The following PRIM2 variants were observed in gnomAD, a reference collection of about 807,000 sequenced individuals.
PRIM2 encodes the protein DNA primase large subunit.
Under a neutral mutation model 67.3 loss-of-function variants are expected in PRIM2, and 39 were observed. That is an observed-to-expected ratio of 0.58 (90% CI 0.45 to 0.76). The LOEUF is 0.76. PRIM2 is among the 30% of genes least tolerant of loss of function. PRIM2 has a pLI of 0.00. For synonymous variants in PRIM2, 143 were observed against 198.7 expected (o/e 0.72, Z 2.36); for missense variants, 398 against 598.7 (o/e 0.66, Z 3.50).
intron 7 of PRIM2, among the ~76,000 whole-genome samples, chr6:57,445,105 G>A (rs2127387154): frequency 6.6e-6 from 1 of 152,280 alleles, no homozygotes; most frequent in South Asian, 2.1e-4. Context: ...ATTTCTAACT[G>A]TCATGATATA....
At chr6:57,330,078 C>G (rs1489802373) in intron 5 of PRIM2, among the ~76,000 whole-genome samples, 4 of 152,142 alleles carry the variant, frequency 2.6e-5, no homozygotes, top group African/African-American at 9.7e-5. Flanking sequence ...TACATTGAAT[C>G]TGTAGATCAG....
intron 4 of PRIM2, 95 bp downstream of exon 4, chr6:57,324,375 AC>A: frequency 1.5e-6 from 1 of 655,880 alleles, no homozygotes; most frequent in African/African-American, 1.8e-5. Context: ...ACATAGGAAA[AC>A]CCAGAATAAC....
In PRIM2 at chr6:57,569,267, A is replaced by G. The variant is rs1427961213; in HGVS notation, c.1020+31642A>G. 4.5e-4 allele frequency among the ~76,000 whole-genome samples: 69 copies of G among 152,278 alleles called. 2 individuals are homozygous for G. The South Asian group carries it at 0.014, about 32-fold the overall frequency. On this transcript the variant is annotated intron_variant, in intron 10 of 13. Coordinates refer to ENST00000615550, the MANE Select transcript of PRIM2 (RefSeq NM_000947.5). ...TGCTGAGCACATATAGGCACTCTGT[A>G]CGTTGTAGCTGTTGTTAATTTACTT...
intron 10 of PRIM2, among the ~76,000 whole-genome samples, chr6:57,579,280 A>G (rs1776032737): frequency 6.6e-6 from 1 of 152,050 alleles, no homozygotes; most frequent in Non-Finnish European, 1.5e-5. Flanking sequence ...ACCCTCGCCT[A>G]CAACAGGAGG....
At chr6:57,249,257 T>C in the PRIM2 span, among the ~76,000 whole-genome samples, 3 of 152,316 alleles carry the variant, frequency 2.0e-5, no homozygotes, top group South Asian at 4.1e-4. Flanking sequence ...CCCTTCACAT[T>C]TGCTGAGCAA....
At chr6:57,428,736 T>C (rs1427952507) in intron 7 of PRIM2, among the ~76,000 whole-genome samples, 7 of 152,190 alleles carry the variant, frequency 4.6e-5, no homozygotes, top group Non-Finnish European at 1.0e-4. Context: ...TTAAAAACTT[T>C]TTATTTGGAA....
chr6:57,617,544 T>A lies in PRIM2; in HGVS notation c.1230+11087T>A, dbSNP rs1248198466. Among the ~76,000 whole-genome samples, 3 of 152,328 alleles carry A rather than the reference T, an allele frequency of 2.0e-5. No individual in the cohort carries two copies. In the East Asian group the frequency reaches 5.8e-4, roughly 29 times the overall value. On this transcript the variant is annotated intron_variant, in intron 12 of 13. Coordinates refer to ENST00000615550, the MANE Select transcript of PRIM2 (RefSeq NM_000947.5). ...CATCTTTTTATATGCTTTTTGGCCA[T>A]TTGTACATCTTCTTTGAAGAAATGT...
chr6:57,276,882 C>A, the PRIM2 span, among the ~76,000 whole-genome samples: 1 of 150,318 alleles, frequency 6.7e-6, no homozygotes. Context: ...AACTGAGACC[C>A]TGCCTCAAAA....
intron 9 of PRIM2, among the ~76,000 whole-genome samples, chr6:57,535,293 T>G (rs1195119826): frequency 0.99 from 151,138 of 152,146 alleles, 75,078 homozygotes; most frequent in African/African-American, 1. Context: ...TCATGGGATA[T>G]TGAATAATCC....
In PRIM2 at chr6:57,507,611, A is replaced by ACT. The variant is rs2127459744; in HGVS notation, c.761+158_761+159dup. 2.0e-5 allele frequency among the ~76,000 whole-genome samples: 3 copies of ACT among 152,236 alleles called. No homozygotes were observed. In the East Asian group the frequency reaches 5.8e-4, roughly 29 times the overall value. On this transcript the variant is annotated intron_variant, in intron 8 of 13. Coordinates refer to ENST00000615550, the MANE Select transcript of PRIM2 (RefSeq NM_000947.5). ...CAAATTGAAGTTCTTAATACCATGT[A>ACT]CTTGTTACCCTTACTTTATTTAGGG... is the stretch of plus-strand genomic sequence containing the variant.
At chr6:57,629,217 G>A (rs1465679208) in intron 12 of PRIM2, among the ~76,000 whole-genome samples, 6 of 152,166 alleles carry the variant, frequency 3.9e-5, no homozygotes, top group Non-Finnish European at 8.8e-5. Context: ...TAGAACATCA[G>A]AATCACTTGG....
chr6:57,510,018 T>C (rs1554347554), intron 8 of PRIM2, among the ~76,000 whole-genome samples: 8,317 of 151,910 alleles, frequency 0.055, 441 homozygotes, highest in African/African-American at 0.14. Context: ...TCTGATAAGT[T>C]TTCCCTGACC....
At chr6:57,618,174 A>C (rs1285340892) in intron 12 of PRIM2, among the ~76,000 whole-genome samples, 7 of 152,200 alleles carry the variant, frequency 4.6e-5, no homozygotes, top group Admixed American at 6.5e-5. Context: ...GGAAGCATGG[A>C]ATCTTCCAAT....
chr6:57,269,252 A>T, the PRIM2 span, among the ~76,000 whole-genome samples: 13 of 151,922 alleles, frequency 8.6e-5, no homozygotes, highest in East Asian at 3.9e-4. Context: ...TCCCACCAAC[A>T]GTGTAAAAGT....
At chr6:57,577,803 C>T (rs1775991099) in intron 10 of PRIM2, among the ~76,000 whole-genome samples, 1 of 152,184 alleles carries the variant, frequency 6.6e-6, no homozygotes, top group African/African-American at 2.4e-5. Flanking sequence ...TCCATATACT[C>T]TTCACCAAGC....
At position 57,440,056 on chromosome 6, in the gene PRIM2, G is replaced by A. The variant is rs558462915; in HGVS notation, c.693+57888G>A. 1.2e-4 allele frequency among the ~76,000 whole-genome samples: 18 copies of A among 151,258 alleles called. No individual in the cohort carries two copies. In the East Asian group the frequency reaches 3.1e-3, roughly 26 times the overall value. On this transcript the variant is annotated intron_variant, in intron 7 of 13. Transcript: ENST00000615550. ...CTTTTCGGAAATTTCAGAAGATACA[G>A]AAAAGTACCAATAAGAAAATTAAAA...
chr6:57,377,307 T>G (rs1769800982), intron 5 of PRIM2, among the ~76,000 whole-genome samples: 2 of 152,166 alleles, frequency 1.3e-5, no homozygotes, highest in African/African-American at 4.8e-5. Context: ...AAATAGAGTT[T>G]TAGTTCTTCT....
intron 9 of PRIM2, among the ~76,000 whole-genome samples, chr6:57,534,697 G>A (rs1774964408): frequency 6.6e-6 from 1 of 152,160 alleles, no homozygotes; most frequent in South Asian, 2.1e-4. Context: ...CTCATGTTGT[G>A]GCCTCTGAAG....
At chr6:57,579,097 TTAAAA>T (rs1369913926) in intron 10 of PRIM2, among the ~76,000 whole-genome samples, 24 of 151,968 alleles carry the variant, frequency 1.6e-4, no homozygotes, top group African/African-American at 5.6e-4. Context: ...GTAAATTCTC[TTAAAA>T]AAATAAATTA....
Sources: gnomAD v4.1 joint callset for allele counts (sites outside exome capture counted in the v4.1 genomes callset) on GRCh38, gnomAD v4.1.1 for gene constraint, MANE v1.5 for transcripts, NCBI Gene and HGNC (gene_info 2026-07-23, HGNC 2026-07-21) for gene names.